ELL: variants seen among roughly 807,000 people sequenced by gnomAD.
ELL encodes RNA polymerase II elongation factor ELL.
ELL carries 18 observed loss-of-function variants against 64.0 expected under a neutral mutation model. The observed-to-expected ratio is 0.28, with a 90% CI of 0.19 to 0.42. The LOEUF is 0.42. Ranked by LOEUF, ELL falls within the 10% of genes least tolerant of loss-of-function variation. The pLI, the probability that ELL is intolerant of heterozygous loss-of-function variation, is 1.00. For synonymous variants in ELL, 399 were observed against 376.2 expected (o/e 1.06, Z -0.70); for missense variants, 797 against 870.4 (o/e 0.92, Z 1.06).
chr19:18,464,434 C>T (rs1444245644), intron 4 of ELL, among the ~76,000 whole-genome samples: 1 of 152,204 alleles, frequency 6.6e-6, no homozygotes, highest in Admixed American at 6.5e-5. Context: ...CAGCCCTGTG[C>T]TTGGGGCTTA....
intron 1 of ELL, among the ~76,000 whole-genome samples, chr19:18,502,727 A>T (rs1975806478): frequency 6.6e-6 from 1 of 152,194 alleles, no homozygotes; most frequent in African/African-American, 2.4e-5. Context: ...AGATGCCAGG[A>T]GGAGGAGTGG....
chr19:18,494,772 C>T lies in ELL; in HGVS notation c.136-21890G>A, dbSNP rs562152799. ...GCTGATGACAGACCCCACTGTCCAG[C>T]CTTCTGGGCTCTGACCAGGTGGGGC... On this transcript the variant is annotated intron_variant, in intron 1 of 11. Transcript: ENST00000262809. 1.8e-4 allele frequency among the ~76,000 whole-genome samples: 28 copies of T among 152,268 alleles called. 1 individual carries two copies. The highest frequency in any genetic ancestry group is 6.0e-4 in the African/African-American group (25 of 41,536).
At chr19:18,486,797 C>T (rs1177713844) in intron 1 of ELL, among the ~76,000 whole-genome samples, 1 of 152,180 alleles carries the variant, frequency 6.6e-6, no homozygotes, top group East Asian at 1.9e-4. Flanking sequence ...AGGCATGACC[C>T]GTGGTCCCCA....
chr19:18,510,996 G>T (rs1321322560), intron 1 of ELL, among the ~76,000 whole-genome samples: 1 of 152,020 alleles, frequency 6.6e-6, no homozygotes, highest in Non-Finnish European at 1.5e-5. Flanking sequence ...GGCCGGGTGC[G>T]GTGGCTCATG....
chr19:18,510,338 A>G (rs1417418087), intron 1 of ELL, among the ~76,000 whole-genome samples: 1 of 152,154 alleles, frequency 6.6e-6, no homozygotes, highest in African/African-American at 2.4e-5. Flanking sequence ...ACCACTGCAC[A>G]CTCCAGCCTG....
chr19:18,493,133 A>G (rs1339527102), intron 1 of ELL, among the ~76,000 whole-genome samples: 2 of 152,034 alleles, frequency 1.3e-5, no homozygotes, highest in African/African-American at 4.8e-5. Flanking sequence ...AGGGTGACCG[A>G]GAAGGAAAGA....
intron 2 of ELL, among the ~76,000 whole-genome samples, chr19:18,469,891 C>T (rs562324109): frequency 3.9e-5 from 6 of 152,362 alleles, no homozygotes; most frequent in African/African-American, 1.4e-4. Flanking sequence ...TTGGGCGATG[C>T]TGGCTGACTG....
chr19:18,503,493 C>T (rs2085895703), intron 1 of ELL, among the ~76,000 whole-genome samples: 1 of 152,134 alleles, frequency 6.6e-6, no homozygotes, highest in African/African-American at 2.4e-5. Context: ...ATGGAACAGA[C>T]AGAACAGGCT....
intron 9 of ELL, 122 bp from the exon 10 acceptor site, chr19:18,446,602 GC>G: frequency 6.7e-7 from 1 of 1,490,990 alleles, no homozygotes; most frequent in South Asian, 1.2e-5. Context: ...TTATGAGGGG[GC>G]CTGGCCCAGA....
chr19:18,515,412 G>A lies in ELL; in HGVS notation c.135+6509C>T, dbSNP rs545235982. ...GTCCTTCAGAGGTGGCAGAGCCCAG[G>A]CCATGACACTTGGATTCTGAGTTCT... On this transcript the variant is annotated intron_variant, in intron 1 of 11. Coordinates refer to ENST00000262809, the MANE Select transcript of ELL (RefSeq NM_006532.4). Among the ~76,000 whole-genome samples, 5 of 152,358 alleles carry A rather than the reference G, an allele frequency of 3.3e-5. No individual in the cohort carries two copies. In the South Asian group the frequency reaches 1.0e-3, roughly 32 times the overall value.
chr19:18,446,301 G>C lies in ELL; in HGVS notation c.1704+8C>G. 6.4e-7 allele frequency: 1 copy of C among 1,566,662 alleles called. No individual in the cohort carries two copies. The highest frequency in any genetic ancestry group is 2.3e-5 in the East Asian group (1 of 43,220). ...GCCAGGGCACAGTAGGCAGCGGGGGGGCTCTACCTCATACTCCTCGGAGCC... is the reference window on the plus strand; with the variant it reads ...GCCAGGGCACAGTAGGCAGCGGGGGCGCTCTACCTCATACTCCTCGGAGCC... On this transcript the variant is annotated splice_region_variant and intron_variant, in intron 10 of 11. Coordinates refer to ENST00000262809, the MANE Select transcript of ELL (RefSeq NM_006532.4).
Position 18,450,785 on chromosome 19 carries a change from G to T in ELL, c.1157C>A (p.Pro386Gln). Residue 386 changes from proline to glutamine, a missense_variant, in exon 8 of 12, where the codon CCG becomes CAG. Physicochemically the swap from Pro to Gln is moderately conservative, Grantham distance 76. Transcript: ENST00000262809. ...GTGGGCCCTCGGGGGCTCCAGCCGCGGGGGCAGGTGAGTGCTGGAGCTGAG... is the reference window on the plus strand; with the variant it reads ...GTGGGCCCTCGGGGGCTCCAGCCGCTGGGGCAGGTGAGTGCTGGAGCTGAG... ...DTLSSSTHLP[P>Q]RLEPPRAHDP... The T allele has an allele frequency of 6.3e-7, 1 of 1,580,142 alleles. No individual in the cohort carries two copies.
chr19:18,475,321 T>C (rs1354731087), intron 1 of ELL, among the ~76,000 whole-genome samples: 1 of 152,158 alleles, frequency 6.6e-6, no homozygotes. Flanking sequence ...GATAGCTCTG[T>C]ACCCATCAGA....
intron 5 of ELL, among the ~76,000 whole-genome samples, chr19:18,458,599 T>G (rs1267037219): frequency 3.9e-5 from 6 of 152,136 alleles, no homozygotes; most frequent in Non-Finnish European, 8.8e-5. Flanking sequence ...GGGGCCAGGC[T>G]GGCTCCAAAA....
intron 1 of ELL, among the ~76,000 whole-genome samples, chr19:18,515,271 C>T (rs996618907): frequency 2.0e-5 from 3 of 152,238 alleles, no homozygotes; most frequent in African/African-American, 7.2e-5. Flanking sequence ...CCACCCAGAA[C>T]CACCAAATGC....
intron 8 of ELL, among the ~76,000 whole-genome samples, 188 bp downstream of exon 8, chr19:18,450,289 G>A (rs941560237): frequency 2.0e-5 from 3 of 152,382 alleles, no homozygotes; most frequent in African/African-American, 7.2e-5. Context: ...CAGGCAGGGA[G>A]AGGACCAGGT....
chr19:18,493,060 C>T (rs1441006789), intron 1 of ELL, among the ~76,000 whole-genome samples: 1 of 152,028 alleles, frequency 6.6e-6, no homozygotes, highest in East Asian at 1.9e-4. Context: ...CTTCTAAAGC[C>T]AACAGTGACA....
intron 8 of ELL, chr19:18,448,348 A>T (rs1299518196): frequency 6.6e-6 from 1 of 152,162 alleles, no homozygotes; most frequent in African/African-American, 2.4e-5. Flanking sequence ...TGACCACAGC[A>T]GCTTCTCTGC....
At chr19:18,455,665 G>A (rs1485369574) in intron 6 of ELL, among the ~76,000 whole-genome samples, 1 of 151,826 alleles carries the variant, frequency 6.6e-6, no homozygotes, top group South Asian at 2.1e-4. Context: ...GGAGAACATG[G>A]TGAAACCCCA....
Sources: allele counts gnomAD v4.1 joint callset (sites outside exome capture counted in the v4.1 genomes callset), GRCh38; gene constraint gnomAD v4.1.1; transcripts MANE v1.5; gene names NCBI Gene and HGNC (gene_info 2026-07-23, HGNC 2026-07-21).